The following SLC9A2 variants were observed in gnomAD, a reference collection of about 807,000 sequenced individuals.
The protein encoded by SLC9A2 is solute carrier family 9 member A2.
In SLC9A2, 42 loss-of-function variants were observed where a neutral mutation model predicts 71.7. The ratio of observed to expected loss-of-function variants is 0.59; its 90% confidence interval spans 0.46 to 0.76. SLC9A2 has a LOEUF of 0.76. Among genes scored for constraint, SLC9A2 ranks in the 30% least tolerant of loss-of-function variants. The pLI, the probability that SLC9A2 is intolerant of heterozygous loss-of-function variation, is 0.00. For synonymous variants in SLC9A2, 396 were observed against 392.5 expected (o/e 1.01, Z -0.10); for missense variants, 829 against 1,017.4 (o/e 0.81, Z 2.52).
intron 1 of SLC9A2, among the ~76,000 whole-genome samples, chr2:102,626,593 G>A (rs977165635): frequency 1.3e-5 from 2 of 152,178 alleles, no homozygotes; most frequent in African/African-American, 4.8e-5. Context: ...AAACTAAAGA[G>A]CTTCTGCACA....
chr2:102,622,423 T>C (rs1676158665), intron 1 of SLC9A2, among the ~76,000 whole-genome samples: 1 of 152,170 alleles, frequency 6.6e-6, no homozygotes, highest in Non-Finnish European at 1.5e-5. Context: ...TCCAACTATC[T>C]CCTTTGTTCA....
At chr2:102,695,173 C>A in intron 7 of SLC9A2, 60 bp downstream of exon 7, 1 of 1,144,064 alleles carries the variant, frequency 8.7e-7, no homozygotes, top group Non-Finnish European at 1.3e-6. Flanking sequence ...GAAAGCAGGA[C>A]TTACTGATTT....
chr2:102,653,196 T>C (rs1676868665), intron 1 of SLC9A2, among the ~76,000 whole-genome samples: 1 of 152,236 alleles, frequency 6.6e-6, no homozygotes, highest in Non-Finnish European at 1.5e-5. Flanking sequence ...ATTTAATTTC[T>C]TCTTGCCAAT....
At chr2:102,621,839 C>T (rs762697579) in intron 1 of SLC9A2, among the ~76,000 whole-genome samples, 3 of 152,114 alleles carry the variant, frequency 2.0e-5, no homozygotes, top group African/African-American at 7.2e-5. Context: ...TCCAGGATGA[C>T]CAGGATCTGG....
At position 102,687,783 on chromosome 2, in the gene SLC9A2, A is replaced by ATT. The variant is rs35653787; in HGVS notation, c.1425+3459_1425+3460dup. 2.9e-3 allele frequency among the ~76,000 whole-genome samples: 415 copies of ATT among 145,480 alleles called. 2 individuals are homozygous for ATT. The highest frequency in any genetic ancestry group is 9.6e-3 in the African/African-American group (385 of 39,916). ...GTCAGAATATGGTGCTGTTTGGGGA[A>ATT]TTTTTTTTTTTTTGAGACAGAGTGT... is the stretch of plus-strand genomic sequence containing the variant. On this transcript the variant is annotated intron_variant, in intron 5 of 11. Transcript: ENST00000233969.
chr2:102,695,288 G>A, intron 7 of SLC9A2, among the ~76,000 whole-genome samples, 175 bp downstream of exon 7: 1 of 152,124 alleles, frequency 6.6e-6, no homozygotes, highest in East Asian at 1.9e-4. Flanking sequence ...GCTTAAACAA[G>A]GTAAAAGCTT....
intron 3 of SLC9A2, among the ~76,000 whole-genome samples, chr2:102,674,551 C>T (rs1677315229): frequency 6.6e-6 from 1 of 152,220 alleles, no homozygotes; most frequent in Admixed American, 6.5e-5. Flanking sequence ...GGCCAAGTGG[C>T]CCTGATTCTG....
rs1348842143 is a variant in SLC9A2 at position 102,619,627 on chromosome 2, G to A, written c.-222G>A. ...GAGGGCTGCTGAGGGTACGCGCAGCGGCCTCTCGTCGCCCTGCACGTGCCT... is the reference window on the plus strand; with the variant it reads ...GAGGGCTGCTGAGGGTACGCGCAGCAGCCTCTCGTCGCCCTGCACGTGCCT... On this transcript the variant is annotated 5_prime_UTR_variant, in exon 1 of 12. Coordinates refer to ENST00000233969, the MANE Select transcript of SLC9A2 (RefSeq NM_003048.6). This position sits in a 1 kb window ranked among gnomAD's most constrained non-coding sequence, Gnocchi z 4.3. The A allele has an allele frequency of 2.4e-6, 1 of 414,908 alleles. No homozygotes were observed. The highest frequency in any genetic ancestry group is 2.1e-5 in the African/African-American group (1 of 48,304). 25.7% of individuals were successfully genotyped at this position (414,908 alleles called of 1,614,324 possible).
At chr2:102,665,452 G>C (rs1189627310) in intron 3 of SLC9A2, 102 bp downstream of exon 3, 2 of 1,240,872 alleles carry the variant, frequency 1.6e-6, no homozygotes, top group Admixed American at 2.3e-5. Context: ...GAAACACTAG[G>C]TTTTCTTATT....
At chr2:102,646,768 A>T (rs866754212) in intron 1 of SLC9A2, among the ~76,000 whole-genome samples, 42 of 132,950 alleles carry the variant, frequency 3.2e-4, no homozygotes, top group African/African-American at 1.1e-3. Context: ...AACGATCCTA[A>T]ATATATATAT....
intron 1 of SLC9A2, among the ~76,000 whole-genome samples, chr2:102,630,054 C>G (rs987853490): frequency 2.0e-5 from 3 of 152,018 alleles, no homozygotes; most frequent in Non-Finnish European, 2.9e-5. Flanking sequence ...TAAAAAAATT[C>G]TAACTGCGTG....
At chr2:102,688,721 T>C (rs13030492) in intron 5 of SLC9A2, among the ~76,000 whole-genome samples, 104,044 of 152,074 alleles carry the variant, frequency 0.68, 36,133 homozygotes, top group East Asian at 0.85. Flanking sequence ...AGCAAGACTC[T>C]GTCTCAAAAC....
At chr2:102,676,390 C>T (rs1043565222) in intron 3 of SLC9A2, among the ~76,000 whole-genome samples, 2 of 152,210 alleles carry the variant, frequency 1.3e-5, no homozygotes, top group Non-Finnish European at 2.9e-5. Context: ...TCTCTCTCCA[C>T]GTAACCAGAG....
intron 7 of SLC9A2, among the ~76,000 whole-genome samples, chr2:102,700,276 G>A (rs1476792027): frequency 6.6e-6 from 1 of 152,172 alleles, no homozygotes; most frequent in Non-Finnish European, 1.5e-5. Flanking sequence ...TGGAGCTGGA[G>A]ATACAAATCT....
At chr2:102,662,076 G>A (rs75037099) in intron 2 of SLC9A2, among the ~76,000 whole-genome samples, 1,729 of 152,280 alleles carry the variant, frequency 0.011, 34 homozygotes, top group African/African-American at 0.037. Flanking sequence ...TTAAGGTAAC[G>A]CTCCTACCTG....
chr2:102,658,192 C>G (rs187526234), intron 2 of SLC9A2, among the ~76,000 whole-genome samples, 165 bp downstream of exon 2: 8 of 152,252 alleles, frequency 5.3e-5, no homozygotes, highest in Non-Finnish European at 1.0e-4. Context: ...ACATCACTGT[C>G]TTATAATTCT....
At chr2:102,684,016 T>G in intron 4 of SLC9A2, 118 bp from the exon 5 acceptor site, 2 of 712,714 alleles carry the variant, frequency 2.8e-6, no homozygotes, top group Non-Finnish European at 4.8e-6. Flanking sequence ...GGGGAAAGAC[T>G]TTGGGGCCTA....
At chr2:102,689,315 G>T (rs1450806629) in intron 5 of SLC9A2, among the ~76,000 whole-genome samples, 1 of 152,188 alleles carries the variant, frequency 6.6e-6, no homozygotes, top group Non-Finnish European at 1.5e-5. Context: ...TCTCAAGAGT[G>T]CTCATTGCTT....
At chr2:102,702,291 A>C in intron 8 of SLC9A2, 115 bp from the exon 9 acceptor site, 1 of 611,460 alleles carries the variant, frequency 1.6e-6, no homozygotes, top group Admixed American at 3.6e-5. Flanking sequence ...AATAATCCCT[A>C]AGTGCTATTT....
Sources: gnomAD v4.1 joint callset for allele counts (sites outside exome capture counted in the v4.1 genomes callset) on GRCh38, gnomAD v4.1.1 for gene constraint, Gnocchi (gnomAD v3.1) non-coding constraint, MANE v1.5 for transcripts, NCBI Gene and HGNC (gene_info 2026-07-23, HGNC 2026-07-21) for gene names.